Variants in NEDD4 observed in about 807,000 individuals in gnomAD.
NEDD4 encodes E3 ubiquitin-protein ligase NEDD4.
In NEDD4, 99 loss-of-function variants were observed where a neutral mutation model predicts 144.9. The observed-to-expected ratio is 0.68, with a 90% CI of 0.58 to 0.81. The LOEUF (loss-of-function observed/expected upper bound fraction) is 0.81, where lower values mean the gene tolerates loss of function less well. Among genes scored for constraint, NEDD4 ranks in the 30% least tolerant of loss-of-function variants. The pLI, the probability that NEDD4 is intolerant of heterozygous loss-of-function variation, is 0.00. For synonymous variants in NEDD4, 318 were observed against 350.6 expected (o/e 0.91, Z 1.04); for missense variants, 985 against 1,065.9 (o/e 0.92, Z 1.06).
chr15:55,978,941 A>G (rs2037749687), intron 1 of NEDD4, among the ~76,000 whole-genome samples: 1 of 149,864 alleles, frequency 6.7e-6, no homozygotes, highest in Admixed American at 6.7e-5. Context: ...AAAAAAAACA[A>G]GAACAGAAAA....
intron 5 of NEDD4, among the ~76,000 whole-genome samples, chr15:55,922,839 C>T (rs1193770714): frequency 6.6e-6 from 1 of 152,210 alleles, no homozygotes; most frequent in South Asian, 2.1e-4. Context: ...AGTTCTTAAG[C>T]TGAGTAACGT....
At chr15:55,952,743 C>T (rs1334205846) in intron 2 of NEDD4, 1 of 152,202 alleles carries the variant, frequency 6.6e-6, no homozygotes, top group Non-Finnish European at 1.5e-5. Flanking sequence ...GTCATCTGTT[C>T]TCACTGCTCT....
At chr15:55,991,434 C>T (rs780914759) in intron 1 of NEDD4, among the ~76,000 whole-genome samples, 115 of 152,334 alleles carry the variant, frequency 7.5e-4, no homozygotes, top group Non-Finnish European at 1.3e-3. Flanking sequence ...CAGTCCGAGG[C>T]TGAGACTGTC....
chr15:55,895,821 C>T (rs546674720), intron 5 of NEDD4, among the ~76,000 whole-genome samples: 1 of 152,288 alleles, frequency 6.6e-6, no homozygotes, highest in East Asian at 1.9e-4. Context: ...TAACGCTGGT[C>T]ATATAATTGG....
chr15:55,836,581 A>G (rs1350203296), intron 24 of NEDD4, among the ~76,000 whole-genome samples: 1 of 152,038 alleles, frequency 6.6e-6, no homozygotes, highest in East Asian at 1.9e-4. Context: ...GATGGAGTGC[A>G]GTGGCGTAAT....
At chr15:55,876,651 G>A (rs910106773) in intron 5 of NEDD4, among the ~76,000 whole-genome samples, 1 of 151,998 alleles carries the variant, frequency 6.6e-6, no homozygotes, top group Non-Finnish European at 1.5e-5. Flanking sequence ...CAGGAAAAGA[G>A]AAACAAAGAA....
At chr15:55,832,578 C>A (rs1595720389) in intron 27 of NEDD4, among the ~76,000 whole-genome samples, 1 of 152,046 alleles carries the variant, frequency 6.6e-6, no homozygotes, top group Non-Finnish European at 1.5e-5. Context: ...CCAAGCCCAG[C>A]TAATATTTGT....
At position 55,900,710 on chromosome 15, in the gene NEDD4, T is replaced by C. The variant is rs139567385; in HGVS notation, c.291+23936A>G. On this transcript the variant is annotated intron_variant, in intron 5 of 28. Transcript: ENST00000435532. Reference sequence around the variant, plus strand: ...TGAATCATACAAAATTGAGCTTTTATGTATGTCTCAAAGAGTAACTATATA... The same window carrying C: ...TGAATCATACAAAATTGAGCTTTTACGTATGTCTCAAAGAGTAACTATATA... Among the ~76,000 whole-genome samples, 1,174 of 152,296 alleles carry C rather than the reference T, an allele frequency of 7.7e-3. 16 individuals carry two copies. The highest frequency in any genetic ancestry group is 0.027 in the African/African-American group (1,123 of 41,558).
intron 5 of NEDD4, among the ~76,000 whole-genome samples, chr15:55,903,590 C>T (rs1056840484): frequency 3.3e-5 from 5 of 151,848 alleles, no homozygotes; most frequent in Middle Eastern, 3.4e-3. Context: ...TTTGGGAGGC[C>T]GAGGTGGGTG....
intron 5 of NEDD4, among the ~76,000 whole-genome samples, chr15:55,903,892 C>T (rs1206345552): frequency 6.7e-6 from 1 of 148,920 alleles, no homozygotes; most frequent in Non-Finnish European, 1.5e-5. Context: ...GGCACGGTGG[C>T]TCATGCCTGT....
intron 5 of NEDD4, among the ~76,000 whole-genome samples, chr15:55,895,911 G>A (rs1198671195): frequency 6.6e-6 from 1 of 152,172 alleles, no homozygotes; most frequent in African/African-American, 2.4e-5. Context: ...GTGCACTGTG[G>A]TATTCCAAGA....
chr15:55,874,023 A>G lies in NEDD4; in HGVS notation c.292-15T>C. 6.9e-7 allele frequency: 1 copy of G among 1,443,840 alleles called. No homozygotes were observed. The highest frequency in any genetic ancestry group is 1.4e-5 in the African/African-American group (1 of 70,934). 89.4% of individuals were successfully genotyped at this position (1,443,840 alleles called of 1,614,324 possible). On this transcript the variant is annotated splice_polypyrimidine_tract_variant and intron_variant, in intron 5 of 28. Coordinates refer to ENST00000435532, the MANE Select transcript of NEDD4 (RefSeq NM_006154.4). ...TCATCTCTTGTCTATAAGAGAAGGA[A>G]GAAAAAATATAATTAGTAATACGCT...
intron 4 of NEDD4, among the ~76,000 whole-genome samples, chr15:55,927,296 G>C (rs148061683): frequency 6.6e-6 from 1 of 151,974 alleles, no homozygotes; most frequent in East Asian, 1.9e-4. Flanking sequence ...AAGGAAATGA[G>C]ACAGACAAAG....
chr15:55,989,500 G>T (rs2037953854), intron 1 of NEDD4, among the ~76,000 whole-genome samples: 1 of 152,276 alleles, frequency 6.6e-6, no homozygotes, highest in Non-Finnish European at 1.5e-5. Flanking sequence ...GTCAGTTTCT[G>T]CTCAGCCTTA....
chr15:55,902,767 T>G (rs367941564), intron 5 of NEDD4, among the ~76,000 whole-genome samples: 31 of 152,166 alleles, frequency 2.0e-4, no homozygotes, highest in African/African-American at 7.5e-4. Context: ...ACAAAGTATG[T>G]GTTAATCAAT....
intron 5 of NEDD4, among the ~76,000 whole-genome samples, chr15:55,879,337 T>C (rs1337999016): frequency 6.6e-6 from 1 of 152,126 alleles, no homozygotes; most frequent in Non-Finnish European, 1.5e-5. Context: ...CAGACAAATA[T>C]ATACTTCCCA....
At chr15:55,844,139 A>G (rs560548512) in intron 18 of NEDD4, among the ~76,000 whole-genome samples, 3 of 152,254 alleles carry the variant, frequency 2.0e-5, no homozygotes, top group South Asian at 2.1e-4. Context: ...AACAGCATAC[A>G]TGAGAGGTCT....
chr15:55,853,448 C>G (rs929993220), intron 12 of NEDD4, among the ~76,000 whole-genome samples: 3 of 152,184 alleles, frequency 2.0e-5, no homozygotes, highest in African/African-American at 7.2e-5. Flanking sequence ...ATGGAAGTAA[C>G]TTGTTACTAT....
intron 5 of NEDD4, among the ~76,000 whole-genome samples, chr15:55,904,487 G>C (rs1166609423): frequency 6.6e-6 from 1 of 151,956 alleles, no homozygotes; most frequent in East Asian, 2.0e-4. Context: ...GTTTTCAGTA[G>C]AGACGAGGTT....
Sources: gnomAD v4.1 joint callset for allele counts (sites outside exome capture counted in the v4.1 genomes callset) on GRCh38, gnomAD v4.1.1 for gene constraint, MANE v1.5 for transcripts, NCBI Gene and HGNC (gene_info 2026-07-23, HGNC 2026-07-21) for gene names.